MSRB3: variants seen among roughly 807,000 people sequenced by gnomAD.
MSRB3 encodes methionine-R-sulfoxide reductase B3.
MSRB3 carries 13 observed loss-of-function variants against 21.0 expected under a neutral mutation model. That is an observed-to-expected ratio of 0.62 (90% CI 0.40 to 0.98). The LOEUF is 0.98. Ranked by LOEUF, MSRB3 falls within the 50% of genes least tolerant of loss-of-function variation. The probability of loss-of-function intolerance (pLI) is 0.00; values close to 1 mark genes in which losing one functional copy is unlikely to be tolerated. For missense variants in MSRB3, 199 were observed against 230.3 expected, an observed-to-expected ratio of 0.86 and a Z score of 0.88; for synonymous variants, 87 against 88.6, an observed-to-expected ratio of 0.98 and a Z score of 0.10.
chr12:65,345,043 C>T (rs1876399214), intron 4 of MSRB3, among the ~76,000 whole-genome samples: 1 of 152,022 alleles, frequency 6.6e-6, no homozygotes, highest in Non-Finnish European at 1.5e-5. Flanking sequence ...ACAAACACTA[C>T]AAACAATAGG....
chr12:65,301,828 G>A lies in MSRB3; in HGVS notation c.-51-6701G>A, dbSNP rs188779542. On this transcript the variant is annotated intron_variant, in intron 1 of 6. Transcript: ENST00000308259. ...TTGTGTGAGTCTAGATTTTCTTCAC[G>A]TATGTACTTCAACCAAAACAACGTA... Among the ~76,000 whole-genome samples the A allele has an allele frequency of 4.5e-3, 685 of 152,222 alleles. 6 individuals are homozygous for A. Among genetic ancestry groups the A allele is most frequent in the African/African-American group, 0.015 (633 of 41,558 alleles).
At chr12:65,361,492 G>A (rs1450072894) in intron 4 of MSRB3, among the ~76,000 whole-genome samples, 1 of 152,076 alleles carries the variant, frequency 6.6e-6, no homozygotes, top group Non-Finnish European at 1.5e-5. Context: ...TTCCTCAGAG[G>A]TCAATTTGTG....
chr12:65,280,001 A>G (rs1456839027), intron 1 of MSRB3, among the ~76,000 whole-genome samples: 1 of 152,222 alleles, frequency 6.6e-6, no homozygotes. Flanking sequence ...CTCATAAATT[A>G]GTTGAAACAT....
At chr12:65,350,476 G>A (rs1190143145) in intron 4 of MSRB3, among the ~76,000 whole-genome samples, 2 of 151,220 alleles carry the variant, frequency 1.3e-5, no homozygotes, top group Non-Finnish European at 2.9e-5. Context: ...AACTTTAAAT[G>A]TAAATGGACT....
intron 5 of MSRB3, among the ~76,000 whole-genome samples, chr12:65,409,686 C>T (rs975565272): frequency 1.3e-5 from 2 of 152,144 alleles, no homozygotes; most frequent in African/African-American, 4.8e-5. Context: ...ATACCTCATC[C>T]ATCTATACAA....
At chr12:65,304,968 G>A (rs977196599) in intron 1 of MSRB3, 1 of 152,164 alleles carries the variant, frequency 6.6e-6, no homozygotes. Context: ...GAAGTTGAAA[G>A]CAGTTGAAGT....
intron 5 of MSRB3, among the ~76,000 whole-genome samples, chr12:65,437,254 T>C (rs1882161584): frequency 6.6e-6 from 1 of 151,750 alleles, no homozygotes; most frequent in Admixed American, 6.6e-5. Context: ...TTAAGGAGAT[T>C]TATGGACTTC....
intron 5 of MSRB3, among the ~76,000 whole-genome samples, chr12:65,432,713 G>C (rs965012277): frequency 6.6e-6 from 1 of 151,844 alleles, no homozygotes; most frequent in African/African-American, 2.4e-5. Flanking sequence ...GTTAGAGACA[G>C]ATCTGTACCA....
chr12:65,292,665 G>C (rs1872729136), intron 1 of MSRB3, among the ~76,000 whole-genome samples: 1 of 151,478 alleles, frequency 6.6e-6, no homozygotes, highest in Non-Finnish European at 1.5e-5. Flanking sequence ...ATAATCAACT[G>C]TCCACATCTA....
At chr12:65,423,621 T>C (rs1881434993) in intron 5 of MSRB3, among the ~76,000 whole-genome samples, 1 of 152,244 alleles carries the variant, frequency 6.6e-6, no homozygotes. Flanking sequence ...TTGTCCTTCA[T>C]TCTGTTAATG....
chr12:65,386,007 C>T (rs1407425845), intron 5 of MSRB3, among the ~76,000 whole-genome samples: 1 of 151,894 alleles, frequency 6.6e-6, no homozygotes, highest in Non-Finnish European at 1.5e-5. Flanking sequence ...CTTTAGTACA[C>T]TTTTGTCTCT....
chr12:65,371,428 C>G (rs1878319269), intron 5 of MSRB3, among the ~76,000 whole-genome samples: 1 of 151,164 alleles, frequency 6.6e-6, no homozygotes, highest in Admixed American at 6.6e-5. Context: ...TAAACTAGGT[C>G]TGTCTAATGT....
At chr12:65,458,209 A>G (rs1883176066) in intron 6 of MSRB3, among the ~76,000 whole-genome samples, 1 of 151,674 alleles carries the variant, frequency 6.6e-6, no homozygotes, top group South Asian at 2.1e-4. Context: ...GCAATATTTC[A>G]TTGTTCTTTT....
At chr12:65,397,657 A>T (rs574168448) in intron 5 of MSRB3, among the ~76,000 whole-genome samples, 1 of 152,176 alleles carries the variant, frequency 6.6e-6, no homozygotes, top group African/African-American at 2.4e-5. Flanking sequence ...TGTGCAGAAC[A>T]TGCAGGTTTG....
intron 5 of MSRB3, among the ~76,000 whole-genome samples, chr12:65,428,154 A>G (rs1365230371): frequency 6.6e-6 from 1 of 152,154 alleles, no homozygotes; most frequent in Non-Finnish European, 1.5e-5. Flanking sequence ...CAGTGGCAAA[A>G]GATATTGTTG....
chr12:65,320,040 G>GA (rs1164278275), intron 2 of MSRB3, among the ~76,000 whole-genome samples: 6 of 152,098 alleles, frequency 3.9e-5, no homozygotes, highest in Admixed American at 6.6e-5. Flanking sequence ...GTTTACAATG[G>GA]TATGTTGCCT....
intron 5 of MSRB3, among the ~76,000 whole-genome samples, chr12:65,410,170 AT>A (rs1565879186): frequency 6.6e-6 from 1 of 151,578 alleles, no homozygotes; most frequent in African/African-American, 2.4e-5. Context: ...TCATTTGTGT[AT>A]TTTTCTATTG....
intron 4 of MSRB3, among the ~76,000 whole-genome samples, chr12:65,346,894 G>A (rs1236245980): frequency 6.6e-6 from 1 of 152,116 alleles, no homozygotes; most frequent in Non-Finnish European, 1.5e-5. Flanking sequence ...TCAGATAGCT[G>A]TAGATATGCA....
At chr12:65,365,318 G>T (rs913209550) in intron 4 of MSRB3, among the ~76,000 whole-genome samples, 17 of 152,140 alleles carry the variant, frequency 1.1e-4, no homozygotes, top group African/African-American at 3.9e-4. Context: ...GTTGTGCCAG[G>T]CCCCCACTGT....
Sources: gnomAD v4.1 joint callset for allele counts (sites outside exome capture counted in the v4.1 genomes callset) on GRCh38, gnomAD v4.1.1 for gene constraint, MANE v1.5 for transcripts, NCBI Gene and HGNC (gene_info 2026-07-23, HGNC 2026-07-21) for gene names.